The following ACTR3C variants were observed in gnomAD, a reference collection of about 807,000 sequenced individuals.
ACTR3C encodes the protein actin related protein 3C, also known as actin-related protein 3C.
Under a neutral mutation model 26.3 loss-of-function variants are expected in ACTR3C, and 18 were observed. The observed-to-expected ratio is 0.68, with a 90% CI of 0.47 to 1.01. The LOEUF is 1.01. Ranked by LOEUF, ACTR3C falls within the 50% of genes least tolerant of loss-of-function variation. The pLI is 0.00. For missense variants in ACTR3C, 184 were observed against 250.7 expected, an observed-to-expected ratio of 0.73 and a Z score of 1.80; for synonymous variants, 55 against 94.5, an observed-to-expected ratio of 0.58 and a Z score of 2.42.
the ACTR3C span, among the ~76,000 whole-genome samples, chr7:149,936,213 A>G: frequency 1.3e-5 from 2 of 152,202 alleles, no homozygotes; most frequent in East Asian, 1.9e-4. Context: ...TATTAGAAAC[A>G]CCAAAGCTTC....
chr7:150,321,284 G>C (rs1036931025), intron 1 of ACTR3C, among the ~76,000 whole-genome samples: 1 of 152,150 alleles, frequency 6.6e-6, no homozygotes. Context: ...TATTGCAGCT[G>C]TTCTTGAATA....
chr7:149,919,956 T>C, the ACTR3C span, among the ~76,000 whole-genome samples: 5 of 114,614 alleles, frequency 4.4e-5, no homozygotes, highest in Non-Finnish European at 7.3e-5. Flanking sequence ...TAATCCCCCA[T>C]GATATTGTTG....
the ACTR3C span, among the ~76,000 whole-genome samples, chr7:150,191,129 A>C: frequency 6.6e-6 from 1 of 152,220 alleles, no homozygotes; most frequent in African/African-American, 2.4e-5. Context: ...CTGTGGTTAT[A>C]AAATACATCT....
chr7:150,135,482 C>T, the ACTR3C span, among the ~76,000 whole-genome samples: 2 of 152,170 alleles, frequency 1.3e-5, no homozygotes, highest in African/African-American at 2.4e-5. Flanking sequence ...AATAACCAAA[C>T]ATTCAAATAG....
chr7:149,914,741 T>C, the ACTR3C span, among the ~76,000 whole-genome samples: 1 of 152,030 alleles, frequency 6.6e-6, no homozygotes, highest in Non-Finnish European at 1.5e-5. Flanking sequence ...AGAATCCTTA[T>C]TGAAGCCAGA....
At chr7:149,926,429 C>CG in the ACTR3C span, among the ~76,000 whole-genome samples, 1 of 152,124 alleles carries the variant, frequency 6.6e-6, no homozygotes, top group South Asian at 2.1e-4. Flanking sequence ...TGGCAAACAA[C>CG]GTGGTTTATG....
At chr7:149,951,918 T>C in the ACTR3C span, among the ~76,000 whole-genome samples, 2 of 150,274 alleles carry the variant, frequency 1.3e-5, no homozygotes, top group Non-Finnish European at 2.9e-5. Context: ...TTGGCTGCCA[T>C]AACTGGGAGT....
the ACTR3C span, among the ~76,000 whole-genome samples, chr7:150,219,580 G>A: frequency 5.0e-5 from 7 of 139,436 alleles, 1 homozygote; most frequent in Non-Finnish European, 7.4e-5. Flanking sequence ...TGCGAAATCC[G>A]GAACCTCGCT....
At chr7:150,086,850 CT>C in the ACTR3C span, among the ~76,000 whole-genome samples, 2 of 152,072 alleles carry the variant, frequency 1.3e-5, no homozygotes, top group Admixed American at 1.3e-4. Flanking sequence ...CAATCTGTCC[CT>C]TGTACACTCC....
chr7:150,293,182 T>A, intron 3 of ACTR3C, 130 bp downstream of exon 3: 1 of 1,512,992 alleles, frequency 6.6e-7, no homozygotes. Context: ...TTTTATTATC[T>A]TTCTAAGTAC....
At chr7:149,925,927 G>A in the ACTR3C span, among the ~76,000 whole-genome samples, 1 of 152,148 alleles carries the variant, frequency 6.6e-6, no homozygotes, top group African/African-American at 2.4e-5. Flanking sequence ...GCCCGATGTG[G>A]TGGCATGCAC....
At chr7:150,308,044 T>C (rs1795946677) in intron 1 of ACTR3C, among the ~76,000 whole-genome samples, 1 of 152,164 alleles carries the variant, frequency 6.6e-6, no homozygotes, top group South Asian at 2.1e-4. Flanking sequence ...AGACAGTCTT[T>C]CCTTGGTGTC....
the ACTR3C span, among the ~76,000 whole-genome samples, chr7:150,046,090 CTA>C: frequency 3.3e-5 from 5 of 152,142 alleles, no homozygotes; most frequent in African/African-American, 9.7e-5. Flanking sequence ...CTTTGAATGA[CTA>C]TTGAACCAGG....
At chr7:150,099,966 G>A in the ACTR3C span, among the ~76,000 whole-genome samples, 1 of 151,716 alleles carries the variant, frequency 6.6e-6, no homozygotes, top group Non-Finnish European at 1.5e-5. Flanking sequence ...GCACCCATAA[G>A]TATCCAGGAA....
downstream of ACTR3C, among the ~76,000 whole-genome samples, chr7:150,242,958 CTCTT>C (rs1236962389): frequency 2.0e-5 from 3 of 152,026 alleles, no homozygotes; most frequent in Non-Finnish European, 4.4e-5. Context: ...TGTTCTTATC[CTCTT>C]TCTGGGTCCT....
At chr7:150,280,155 C>T in intron 6 of ACTR3C, among the ~76,000 whole-genome samples, 1 of 152,162 alleles carries the variant, frequency 6.6e-6, no homozygotes. Flanking sequence ...CTTTTACCAT[C>T]CAGGTGTCCA....
chr7:150,308,867 T>C (rs1456198673), intron 1 of ACTR3C, among the ~76,000 whole-genome samples: 1 of 152,138 alleles, frequency 6.6e-6, no homozygotes, highest in Non-Finnish European at 1.5e-5. Context: ...TTTTTCTCTA[T>C]CAGACCTTTT....
chr7:150,079,575 G>A, the ACTR3C span, among the ~76,000 whole-genome samples: 12 of 152,268 alleles, frequency 7.9e-5, no homozygotes, highest in South Asian at 2.1e-4. Flanking sequence ...GTGGTCCTCC[G>A]TTGGTGGAAT....
chr7:150,078,081 G>C, the ACTR3C span, among the ~76,000 whole-genome samples: 1 of 152,158 alleles, frequency 6.6e-6, no homozygotes, highest in Non-Finnish European at 1.5e-5. Flanking sequence ...CAGGAAGGGG[G>C]ACATGCATCT....
Sources: gnomAD v4.1 joint callset for allele counts (sites outside exome capture counted in the v4.1 genomes callset) on GRCh38, gnomAD v4.1.1 for gene constraint, MANE v1.5 for transcripts, NCBI Gene and HGNC (gene_info 2026-07-23, HGNC 2026-07-21) for gene names.